Variants in POU4F1 observed in about 807,000 individuals in gnomAD.
POU4F1 encodes the protein POU domain, class 4, transcription factor 1.
POU4F1 carries 5 observed loss-of-function variants against 19.8 expected under a neutral mutation model. That is an observed-to-expected ratio of 0.25 (90% CI 0.13 to 0.53). The LOEUF (loss-of-function observed/expected upper bound fraction) is 0.53, where lower values mean the gene tolerates loss of function less well. Among genes scored for constraint, POU4F1 ranks in the 20% least tolerant of loss-of-function variants. The probability of loss-of-function intolerance (pLI) is 0.96; values close to 1 mark genes in which losing one functional copy is unlikely to be tolerated. For missense variants in POU4F1, 408 were observed against 511.6 expected (o/e 0.80, Z 1.95); for synonymous variants, 266 against 247.7 (o/e 1.07, Z -0.69).
In POU4F1 at chr13:78,603,217, A is replaced by T. The variant is rs1874785446; in HGVS notation, c.110T>A (p.Leu37Gln). 2.6e-6 allele frequency: 4 copies of T among 1,549,162 alleles called. No homozygotes were observed. The highest frequency in any genetic ancestry group is 3.5e-6 in the Non-Finnish European group (4 of 1,148,960). ...SSSEAIRRAC[L>Q]PTPPLQSNLF... Reference sequence around the variant, plus strand: ...TGGGGCGCTTACCGGCGGCGTGGGCAGGCAGGCCCGCCGGATGGCCTCGGA... The same window carrying T: ...TGGGGCGCTTACCGGCGGCGTGGGCTGGCAGGCCCGCCGGATGGCCTCGGA... The change falls in exon 1 of 2, where the codon CTG becomes CAG. Residue 37 changes from leucine to glutamine, a missense_variant. By Grantham distance (113) the Leu-to-Gln change is moderately radical. This residue lies in a region of POU4F1 where 294 missense variants were observed against 288.2 expected (regional missense o/e 1.02). Coordinates refer to ENST00000377208, the MANE Select transcript of POU4F1 (RefSeq NM_006237.4).
chr13:78,602,140 CCGGGCCGCCGCCGCCG>C lies in POU4F1; in HGVS notation c.519_534del (p.Gly174AlafsTer30), dbSNP rs1874726953. The C allele has an allele frequency of 1.2e-5, 2 of 170,432 alleles. No individual in the cohort carries two copies. The highest frequency in any genetic ancestry group is 2.2e-5 in the Non-Finnish European group (2 of 89,062). 10.6% of individuals were successfully genotyped at this position (170,432 alleles called of 1,614,324 possible). ...GCGGAGCCGCCCAGGAGCCCGCCGCCCGGGCCGCCGCCGCCGCCCCCCGGGCCGCCACCGCCGCCTC... is the reference window on the plus strand; with the variant it reads ...GCGGAGCCGCCCAGGAGCCCGCCGCCCCCCCCGGGCCGCCACCGCCGCCTC... On this transcript the variant is annotated frameshift_variant, in exon 2 of 2. Transcript: ENST00000377208. LOFTEE classifies it high-confidence loss of function.
In POU4F1 at chr13:78,598,471, C is replaced by T. The variant is rs1488425558; in HGVS notation, c.*2944G>A. The T allele has an allele frequency of 6.8e-6, 1 of 146,138 alleles. No individual in the cohort carries two copies. Among genetic ancestry groups the T allele is most frequent in the Non-Finnish European group, 1.5e-5 (1 of 66,188 alleles). The allele number at this position is 146,138 out of a possible 1,614,324, so 9.1% of individuals were successfully genotyped here. On this transcript the variant is annotated 3_prime_UTR_variant, in exon 2 of 2. Coordinates refer to ENST00000377208, the MANE Select transcript of POU4F1 (RefSeq NM_006237.4). ...TCTATGTTTAAAAATACCTCTAGTG[C>T]TTTTTTTTTTTAACATTAACAACTG...
rs1362574582 is a variant in POU4F1, at chr13:78,603,449, C to G, written c.-123G>C. On this transcript the variant is annotated 5_prime_UTR_variant, in exon 1 of 2. Coordinates refer to ENST00000377208, the MANE Select transcript of POU4F1 (RefSeq NM_006237.4). ...GGCGGTCGCGGCGGCTGGCGGCGGC[C>G]CCGCCGCGGGCTGCTGCTGCTGCTC... 8 of 1,306,594 alleles carry G rather than the reference C, an allele frequency of 6.1e-6. No individual in the cohort carries two copies. Among genetic ancestry groups the G allele is most frequent in the Non-Finnish European group, 7.8e-6 (8 of 1,025,280 alleles). The allele number at this position is 1,306,594 out of a possible 1,614,324, so 80.9% of individuals were successfully genotyped here. A position where few individuals can be genotyped will look rare whatever the true frequency, so the allele number is the denominator to read the frequency against.
chr13:78,601,400 C>G lies in POU4F1; in HGVS notation c.*15G>C. The G allele has an allele frequency of 6.2e-7, 1 of 1,613,486 alleles. No individual in the cohort carries two copies. The highest frequency in any genetic ancestry group is 8.5e-7 in the Non-Finnish European group (1 of 1,179,982). ...CAGCTCCCCATTCTGTCCCGCCCGA[C>G]ACCTCCCAGCCCCCTCAGTAAGTGG... On this transcript the variant is annotated 3_prime_UTR_variant, in exon 2 of 2. Transcript: ENST00000377208.
At chr13:78,602,768 C>T (rs1223241334) in intron 1 of POU4F1, among the ~76,000 whole-genome samples, 1 of 110,316 alleles carries the variant, frequency 9.1e-6, no homozygotes, top group East Asian at 2.5e-4. Flanking sequence ...GGGATGGGAG[C>T]GTGGAGAGGG....
Position 78,601,878 on chromosome 13 carries a change from C to T in POU4F1, c.797G>A (p.Arg266His). 6.3e-7 allele frequency: 1 copy of T among 1,577,814 alleles called. No homozygotes were observed. Among genetic ancestry groups the T allele is most frequent in the Non-Finnish European group, 8.6e-7 (1 of 1,168,454 alleles). Residue 266 changes from arginine (R) to histidine (H), a missense_variant, in exon 2 of 2, where the codon CGC (arginine) becomes CAC (histidine). By Grantham distance (29) the Arg-to-His change is conservative. Coordinates refer to ENST00000377208, the MANE Select transcript of POU4F1 (RefSeq NM_006237.4). ...GCGCTCCGCGAACGCCTCGAGCTCG[C>T]GCGGGTCCGTGTCCGAGTCGCAGAT... ...ASICDSDTDP[R>H]ELEAFAERFK... is the part of the protein sequence containing the mutation.
rs1306388405 is a variant in POU4F1 at position 78,600,222 on chromosome 13, G to C, written c.*1193C>G. ...AGCAAGATGAGTCTCGTTCAGTGGA[G>C]AAAACAGGAGAGAGTATCTCTCCTA... is the stretch of plus-strand genomic sequence containing the variant. On this transcript the variant is annotated 3_prime_UTR_variant, in exon 2 of 2. Transcript: ENST00000377208. 1 of 152,120 alleles carries C rather than the reference G, an allele frequency of 6.6e-6. No homozygotes were observed. The highest frequency in any genetic ancestry group is 1.5e-5 in the Non-Finnish European group (1 of 68,038). The allele number at this position is 152,120 out of a possible 1,614,324, so 9.4% of individuals were successfully genotyped here.
chr13:78,601,410 C>G lies in POU4F1; in HGVS notation c.*5G>C, dbSNP rs758672357. 20 of 1,613,488 alleles carry G rather than the reference C, an allele frequency of 1.2e-5. No homozygotes were observed. Among genetic ancestry groups the G allele is most frequent in the Non-Finnish European group, 1.6e-5 (19 of 1,180,024 alleles). ...TTCTGTCCCGCCCGACACCTCCCAGCCCCCTCAGTAAGTGGCAGAGAATTT... is the reference window on the plus strand; with the variant it reads ...TTCTGTCCCGCCCGACACCTCCCAGGCCCCTCAGTAAGTGGCAGAGAATTT... On this transcript the variant is annotated 3_prime_UTR_variant, in exon 2 of 2. Coordinates refer to ENST00000377208, the MANE Select transcript of POU4F1 (RefSeq NM_006237.4).
At chr13:78,602,585 CA>C (rs1463430447) in intron 1 of POU4F1, 34 bp from the exon 2 acceptor site, 43 of 1,400,774 alleles carry the variant, frequency 3.1e-5, no homozygotes, top group Non-Finnish European at 4.0e-5. Context: ...AAAAAAACCA[CA>C]AAACCAAAAG....
chr13:78,598,948 T>C lies in POU4F1; in HGVS notation c.*2467A>G, dbSNP rs1288403970. The C allele has an allele frequency of 6.6e-6, 1 of 152,242 alleles. No individual in the cohort carries two copies. Among genetic ancestry groups the C allele is most frequent in the Non-Finnish European group, 1.5e-5 (1 of 68,040 alleles). 9.4% of individuals were successfully genotyped at this position (152,242 alleles called of 1,614,324 possible). A position where few individuals can be genotyped will look rare whatever the true frequency, so the allele number is the denominator to read the frequency against. On this transcript the variant is annotated 3_prime_UTR_variant, in exon 2 of 2. Transcript: ENST00000377208. ...CTTTTATAAACACAGGCAACTAATA[T>C]AGAATTCATTTTATTTAGAGCACCA...
In POU4F1 at chr13:78,602,239, C is replaced by A. The variant is rs1874741562; in HGVS notation, c.436G>T (p.Gly146Cys). The part of the protein sequence containing the change: ...AAAGGGGAHD[G>C]PGGGGGPGGG... Reference sequence around the variant, plus strand: ...CCCGGGCCGCCACCGCCCCCCGGGCCGTCGTGGGCGCCGCCGCCGCCGGCC... The same window carrying A: ...CCCGGGCCGCCACCGCCCCCCGGGCAGTCGTGGGCGCCGCCGCCGCCGGCC... The change falls in exon 2 of 2, where the codon GGC (glycine) becomes TGC (cysteine). Residue 146 changes from glycine (G) to cysteine (C), a missense_variant. Physicochemically the swap from Gly to Cys is radical, Grantham distance 159. Around this residue, in one of 4 missense-constraint regions of POU4F1, gnomAD observed 294 missense variants for 288.2 expected, o/e 1.02. Coordinates refer to ENST00000377208, the MANE Select transcript of POU4F1 (RefSeq NM_006237.4). 5 of 972,682 alleles carry A rather than the reference C, an allele frequency of 5.1e-6. No individual in the cohort carries two copies. In the South Asian group the frequency reaches 1.8e-4, roughly 36 times the overall value. The allele number at this position is 972,682 out of a possible 1,614,324, so 60.3% of individuals were successfully genotyped here. A position where few individuals can be genotyped will look rare whatever the true frequency, so the allele number is the denominator to read the frequency against.
In POU4F1 at chr13:78,602,001, T is replaced by G. The variant is rs1015869966; in HGVS notation, c.674A>C (p.His225Pro). The change falls in exon 2 of 2, where the codon CAC (histidine) becomes CCC (proline). Residue 225 changes from histidine to proline, a missense_variant. Around this residue, in one of 4 missense-constraint regions of POU4F1, gnomAD observed 294 missense variants for 288.2 expected, o/e 1.02. Coordinates refer to ENST00000377208, the MANE Select transcript of POU4F1 (RefSeq NM_006237.4). ...PHPGLVAAAA[H>P]HGAAAAAAAA... is the part of the protein sequence containing the mutation. ...CGCCGCTGCCGCTGCCGCGCCGTGG[T>G]GCGCCGCCGCCGCCACCAGCCCGGG... The G allele has an allele frequency of 3.3e-5, 30 of 908,384 alleles. No homozygotes were observed. Among genetic ancestry groups the G allele is most frequent in the Non-Finnish European group, 3.8e-5 (29 of 765,546 alleles). 56.3% of individuals were successfully genotyped at this position (908,384 alleles called of 1,614,324 possible).
chr13:78,601,340 G>A lies in POU4F1; in HGVS notation c.*75C>T. ...AACGGACACTCCAAATCCGAGGGGA[G>A]GCAAGCAGAGGAAAGCCCCCCAAAA... is the stretch of plus-strand genomic sequence containing the variant. On this transcript the variant is annotated 3_prime_UTR_variant, in exon 2 of 2. Transcript: ENST00000377208. 1.3e-6 allele frequency: 2 copies of A among 1,590,168 alleles called. No individual in the cohort carries two copies. The highest frequency in any genetic ancestry group is 1.7e-6 in the Non-Finnish European group (2 of 1,170,580).
At chr13:78,603,036 G>T (rs1171088882) in intron 1 of POU4F1, among the ~76,000 whole-genome samples, 168 bp downstream of exon 1, 2 of 152,150 alleles carry the variant, frequency 1.3e-5, no homozygotes, top group African/African-American at 2.4e-5. Context: ...ACAGGAACAC[G>T]ACATTAAGGG....
In POU4F1 at chr13:78,600,256, C is replaced by T. The variant is rs369606037; in HGVS notation, c.*1159G>A. 6.6e-6 allele frequency: 1 copy of T among 152,116 alleles called. No individual in the cohort carries two copies. The highest frequency in any genetic ancestry group is 2.4e-5 in the African/African-American group (1 of 41,404). 9.4% of individuals were successfully genotyped at this position (152,116 alleles called of 1,614,324 possible). A position where few individuals can be genotyped will look rare whatever the true frequency, so the allele number is the denominator to read the frequency against. ...AGAGAGTATCTCTCCTAATAACTTT[C>T]ACCCCATTAGTCTATTTGAATCAAC... On this transcript the variant is annotated 3_prime_UTR_variant, in exon 2 of 2. Transcript: ENST00000377208.
In POU4F1 at chr13:78,602,285, G is replaced by A; in HGVS notation, c.390C>T (p.Gly130=). 2 of 1,219,988 alleles carry A rather than the reference G, an allele frequency of 1.6e-6. No homozygotes were observed. Among genetic ancestry groups the A allele is most frequent in the Non-Finnish European group, 2.0e-6 (2 of 980,656 alleles). 75.6% of individuals were successfully genotyped at this position (1,219,988 alleles called of 1,614,324 possible). A position where few individuals can be genotyped will look rare whatever the true frequency, so the allele number is the denominator to read the frequency against. The change falls in exon 2 of 2, where the codon GGC becomes GGT. Residue 130 remains glycine (G), a synonymous_variant. Coordinates refer to ENST00000377208, the MANE Select transcript of POU4F1 (RefSeq NM_006237.4). The part of the protein sequence containing the change: ...ISSPSLALMA[G]AGGAGAAAGG... The stretch of plus-strand genomic sequence containing the variant: ...CGGCCGCCGCGCCCGCGCCGCCCGC[G>A]CCGGCCATGAGCGCGAGCGACGGCG...
Position 78,603,514 on chromosome 13 carries a change from C to G in POU4F1, c.-188G>C, listed in dbSNP as rs138885536. The stretch of plus-strand genomic sequence containing the variant: ...CGCTCCCTCTGACCGCGCAGAGCGC[C>G]GCGCGCCGGCCTCGCGGTCCCGCTT... On this transcript the variant is annotated 5_prime_UTR_variant, in exon 1 of 2. Transcript: ENST00000377208. The G allele has an allele frequency of 3.2e-6, 3 of 944,998 alleles. No individual in the cohort carries two copies. The highest frequency in any genetic ancestry group is 4.0e-6 in the Non-Finnish European group (3 of 749,886). The allele number at this position is 944,998 out of a possible 1,614,324, so 58.5% of individuals were successfully genotyped here. A position where few individuals can be genotyped will look rare whatever the true frequency, so the allele number is the denominator to read the frequency against.
rs748551009 is a variant in POU4F1, at chr13:78,602,348, CTGGTGGTGG to C, written c.318_326del (p.His106_His108del). ...CCAGCAGATCGCCGGGTTCGAGCGC[CTGGTGGTGG>C]TGGTGGTGGTGGTGGTGGTGCGCCA... On this transcript the variant is annotated inframe_deletion, in exon 2 of 2. Coordinates refer to ENST00000377208, the MANE Select transcript of POU4F1 (RefSeq NM_006237.4). 42 of 1,457,326 alleles carry C rather than the reference CTGGTGGTGG, an allele frequency of 2.9e-5. No homozygotes were observed. In the African/African-American group the frequency reaches 3.0e-4, roughly 11 times the overall value. 90.3% of individuals were successfully genotyped at this position (1,457,326 alleles called of 1,614,324 possible). A position where few individuals can be genotyped will look rare whatever the true frequency, so the allele number is the denominator to read the frequency against.
At position 78,603,329 on chromosome 13, in the gene POU4F1, T is replaced by C. The variant is rs1874790156; in HGVS notation, c.-3A>G. On this transcript the variant is annotated 5_prime_UTR_variant, in exon 1 of 2. Transcript: ENST00000377208. ...TGCTTGCTGTTCATGGACATCATCGTGGCGGCTTGGCATGTATATCCACAA... is the reference window on the plus strand; with the variant it reads ...TGCTTGCTGTTCATGGACATCATCGCGGCGGCTTGGCATGTATATCCACAA... 6.3e-7 allele frequency: 1 copy of C among 1,575,908 alleles called. No individual in the cohort carries two copies. Among genetic ancestry groups the C allele is most frequent in the East Asian group, 2.5e-5 (1 of 39,844 alleles).
Sources: gnomAD v4.1 joint callset for allele counts (sites outside exome capture counted in the v4.1 genomes callset) on GRCh38, gnomAD v4.1.1 for gene constraint, gnomAD v4.1.1 regional missense constraint, MANE v1.5 for transcripts, NCBI Gene and HGNC (gene_info 2026-07-23, HGNC 2026-07-21) for gene names.